CFAP70: variants seen among roughly 807,000 people sequenced by gnomAD.
CFAP70 encodes cilia- and flagella-associated protein 70.
In CFAP70, 81 loss-of-function variants were observed where a neutral mutation model predicts 137.6. The ratio of observed to expected loss-of-function variants is 0.59; its 90% CI spans 0.49 to 0.71. CFAP70 has a LOEUF of 0.71. Ranked by LOEUF, CFAP70 falls within the 30% of genes least tolerant of loss-of-function variation. CFAP70 has a pLI of 0.00. For missense variants in CFAP70, 976 were observed against 1,226.7 expected (o/e 0.80, Z 3.05); for synonymous variants, 382 against 423.6 (o/e 0.90, Z 1.20).
chr10:73,336,762 T>A (rs975273151), intron 6 of CFAP70, among the ~76,000 whole-genome samples: 1 of 151,314 alleles, frequency 6.6e-6, no homozygotes, highest in African/African-American at 2.4e-5. Context: ...ATTTTTTGTA[T>A]TTTTTTTAGT....
chr10:73,330,606 C>T (rs1446016258), intron 8 of CFAP70, among the ~76,000 whole-genome samples: 1 of 151,942 alleles, frequency 6.6e-6, no homozygotes, highest in Non-Finnish European at 1.5e-5. Flanking sequence ...GTCAGCCAAA[C>T]AATTTAGATA....
intron 21 of CFAP70, chr10:73,276,332 T>G (rs2046737603): frequency 1.3e-5 from 2 of 152,216 alleles, no homozygotes; most frequent in South Asian, 4.1e-4. Flanking sequence ...ATCCTTCTTT[T>G]CATCTCCCAC....
chr10:73,331,828 A>T (rs1184312392), intron 7 of CFAP70, among the ~76,000 whole-genome samples: 1 of 152,202 alleles, frequency 6.6e-6, no homozygotes, highest in Non-Finnish European at 1.5e-5. Flanking sequence ...AACCTTAAAA[A>T]TATCCATAAT....
rs144828158 is a variant in CFAP70 at position 73,287,644 on chromosome 10, G to C, written c.2239+3582C>G. On this transcript the variant is annotated intron_variant, in intron 19 of 26. Transcript: ENST00000310715. ...GGATGTGCTCCACCAAAATGAGGAA[G>C]CAAAGTATGAAAGAGGAAGGCACAG... 5.0e-4 allele frequency among the ~76,000 whole-genome samples: 76 copies of C among 152,222 alleles called. No individual in the cohort carries two copies. In the East Asian group the frequency reaches 0.014, roughly 29 times the overall value.
At chr10:73,342,456 T>C (rs1343203606) in intron 5 of CFAP70, among the ~76,000 whole-genome samples, 2 of 151,978 alleles carry the variant, frequency 1.3e-5, no homozygotes, top group East Asian at 1.9e-4. Flanking sequence ...GGTGAGAGGA[T>C]TGCTTGAGTC....
chr10:73,311,823 T>A lies in CFAP70; in HGVS notation c.1164+11A>T. 6.2e-7 allele frequency: 1 copy of A among 1,603,718 alleles called. No homozygotes were observed. Among genetic ancestry groups the A allele is most frequent in the Non-Finnish European group, 8.5e-7 (1 of 1,171,510 alleles). On this transcript the variant is annotated intron_variant, in intron 11 of 26. Coordinates refer to ENST00000310715, the Ensembl canonical transcript of CFAP70. ...CTTAAACTTAATTTTCCAAACTTCA[T>A]GCACAATTACCTGTCCTTCAGGATT...
At position 73,271,571 on chromosome 10, in the gene CFAP70, C is replaced by T. The variant is rs1023105807; in HGVS notation, c.2925+1357G>A. 2.6e-5 allele frequency among the ~76,000 whole-genome samples: 4 copies of T among 152,296 alleles called. No homozygotes were observed. The South Asian group carries it at 8.3e-4, about 32-fold the overall frequency. On this transcript the variant is annotated intron_variant, in intron 24 of 26. Transcript: ENST00000310715. ...AAGCAGTAAATATTTACATTTTATA[C>T]ATTAAAATTGCTTTCATATATATGA...
chr10:73,313,732 A>G (rs2050123817), intron 9 of CFAP70, among the ~76,000 whole-genome samples: 1 of 152,060 alleles, frequency 6.6e-6, no homozygotes, highest in South Asian at 2.1e-4. Context: ...AATCCTAGCT[A>G]TTGGGAAGGC....
chr10:73,286,918 G>A (rs1159316961), intron 19 of CFAP70, among the ~76,000 whole-genome samples: 3 of 152,230 alleles, frequency 2.0e-5, no homozygotes, highest in Non-Finnish European at 1.5e-5. Context: ...GCAGAAACAT[G>A]TCCTTAAGGC....
At chr10:73,302,912 C>T (rs1232216918) in intron 12 of CFAP70, among the ~76,000 whole-genome samples, 2 of 136,252 alleles carry the variant, frequency 1.5e-5, no homozygotes, top group Admixed American at 7.6e-5. Flanking sequence ...GAGAGGGTCT[C>T]GCTCTGTTGC....
At chr10:73,359,676 G>A (rs1486015128), upstream of CFAP70, among the ~76,000 whole-genome samples, 1 of 152,186 alleles carries the variant, frequency 6.6e-6, no homozygotes, top group Non-Finnish European at 1.5e-5. Context: ...TACTGAGGAG[G>A]ATGACTCAGG....
intron 9 of CFAP70, among the ~76,000 whole-genome samples, chr10:73,316,893 T>C (rs1227603500): frequency 6.6e-6 from 1 of 152,236 alleles, no homozygotes; most frequent in East Asian, 1.9e-4. Context: ...TTTCTTCTTA[T>C]GGATTCAAGT....
At chr10:73,351,067 G>GTATATATA (rs1257762799) in intron 3 of CFAP70, among the ~76,000 whole-genome samples, 7 of 64,046 alleles carry the variant, frequency 1.1e-4, no homozygotes, top group Admixed American at 1.9e-4. Context: ...GTGTGTGTGT[G>GTATATATA]TGTGTATATA....
chr10:73,261,847 G>A (rs1264061263), intron 25 of CFAP70, among the ~76,000 whole-genome samples: 3 of 151,302 alleles, frequency 2.0e-5, no homozygotes, highest in South Asian at 2.1e-4. Flanking sequence ...TGTGTAGTGC[G>A]GTGTCAATCT....
At chr10:73,287,319 T>C (rs1051797790) in intron 19 of CFAP70, among the ~76,000 whole-genome samples, 1 of 152,192 alleles carries the variant, frequency 6.6e-6, no homozygotes, top group Non-Finnish European at 1.5e-5. Context: ...TGGTAAGTAT[T>C]TGTGTATCTA....
At chr10:73,351,919 T>C (rs2054309179) in intron 3 of CFAP70, among the ~76,000 whole-genome samples, 1 of 152,200 alleles carries the variant, frequency 6.6e-6, no homozygotes, top group South Asian at 2.1e-4. Context: ...TACTGACAAG[T>C]TGGGGTGGAA....
At chr10:73,254,106 T>G (rs2133457238) in intron 26 of CFAP70, 51 bp from the exon 28 acceptor site, 4 of 1,466,996 alleles carry the variant, frequency 2.7e-6, no homozygotes, top group Non-Finnish European at 3.7e-6. Flanking sequence ...GTGATATACT[T>G]TATGTGGCTT....
chr10:73,280,997 T>C (rs1309173329), intron 19 of CFAP70, among the ~76,000 whole-genome samples: 1 of 152,186 alleles, frequency 6.6e-6, no homozygotes, highest in Non-Finnish European at 1.5e-5. Flanking sequence ...TCTTAGATCA[T>C]TGATTTTAGA....
At chr10:73,256,007 GT>G (rs1050720382) in intron 26 of CFAP70, among the ~76,000 whole-genome samples, 4 of 152,158 alleles carry the variant, frequency 2.6e-5, no homozygotes, top group Non-Finnish European at 4.4e-5. Context: ...TACAGAAAAT[GT>G]TTGCTGATCC....
Sources: allele counts gnomAD v4.1 joint callset (sites outside exome capture counted in the v4.1 genomes callset), GRCh38; gene constraint gnomAD v4.1.1; transcripts MANE v1.5; gene names NCBI Gene and HGNC (gene_info 2026-07-23, HGNC 2026-07-21).